Variants in POPDC1 observed in about 807,000 individuals in gnomAD.
POPDC1 encodes popeye domain-containing protein 1.
chr6:105,108,827 C>T, the POPDC1 span, among the ~76,000 whole-genome samples: 1 of 152,126 alleles, frequency 6.6e-6, no homozygotes, highest in East Asian at 1.9e-4. Flanking sequence ...CTTTGTGAAA[C>T]AATTCATAGA....
the POPDC1 span, among the ~76,000 whole-genome samples, chr6:105,104,373 C>T: frequency 2.0e-5 from 3 of 152,152 alleles, no homozygotes; most frequent in African/African-American, 7.2e-5. Context: ...ATCTTGAGTG[C>T]TGTAACCAAG....
At chr6:105,112,275 G>A in the POPDC1 span, among the ~76,000 whole-genome samples, 1 of 152,202 alleles carries the variant, frequency 6.6e-6, no homozygotes, top group Non-Finnish European at 1.5e-5. Flanking sequence ...GAGAGAGATG[G>A]AAAGGGAGCC....
the POPDC1 span, among the ~76,000 whole-genome samples, chr6:105,122,414 C>T: frequency 6.6e-6 from 1 of 152,104 alleles, no homozygotes; most frequent in Admixed American, 6.5e-5. Flanking sequence ...TCCCTAGTCC[C>T]CAAGAAGAAA....
chr6:105,132,964 T>C, the POPDC1 span, among the ~76,000 whole-genome samples: 1 of 152,206 alleles, frequency 6.6e-6, no homozygotes, highest in Non-Finnish European at 1.5e-5. Flanking sequence ...GGTGGTATTA[T>C]TTTTACCCTT....
At chr6:105,103,853 A>C in the POPDC1 span, among the ~76,000 whole-genome samples, 1 of 152,104 alleles carries the variant, frequency 6.6e-6, no homozygotes, top group East Asian at 1.9e-4. Flanking sequence ...TTTCACTGAG[A>C]GAAAATGAAG....
chr6:105,115,419 G>C, the POPDC1 span, among the ~76,000 whole-genome samples: 1 of 152,178 alleles, frequency 6.6e-6, no homozygotes. Flanking sequence ...TGCCCAGCCA[G>C]TGAGCCACTA....
chr6:105,118,927 C>G, the POPDC1 span, among the ~76,000 whole-genome samples: 1 of 151,984 alleles, frequency 6.6e-6, no homozygotes, highest in Non-Finnish European at 1.5e-5. Context: ...CATGTGCCTA[C>G]AGTCCCAGCT....
the POPDC1 span, chr6:105,116,737 C>T: frequency 4.4e-6 from 7 of 1,609,036 alleles, no homozygotes; most frequent in Admixed American, 1.0e-4. Context: ...ATGAGTAGAG[C>T]TTATTTGTGA....
the POPDC1 span, among the ~76,000 whole-genome samples, chr6:105,134,162 T>C: frequency 0.11 from 16,046 of 152,110 alleles, 1,092 homozygotes; most frequent in Middle Eastern, 0.2. Context: ...CATTATCATA[T>C]ATGCAAATAA....
At chr6:105,100,908 C>T in the POPDC1 span, 15 of 524,004 alleles carry the variant, frequency 2.9e-5, no homozygotes, top group Non-Finnish European at 4.6e-5. Flanking sequence ...TAAAAGCTGA[C>T]TAATAAAAAG....
chr6:105,128,051 C>T, the POPDC1 span, among the ~76,000 whole-genome samples: 13 of 152,348 alleles, frequency 8.5e-5, no homozygotes, highest in South Asian at 2.7e-3. Context: ...TGAGCCACTG[C>T]ACCTTGCCTA....
At chr6:105,131,486 G>C in the POPDC1 span, among the ~76,000 whole-genome samples, 2 of 152,048 alleles carry the variant, frequency 1.3e-5, no homozygotes, top group Non-Finnish European at 2.9e-5. Flanking sequence ...GCCCAGGCTG[G>C]AGTGCAACAG....
chr6:105,105,006 A>C, the POPDC1 span, among the ~76,000 whole-genome samples: 8 of 152,340 alleles, frequency 5.3e-5, no homozygotes, highest in Non-Finnish European at 7.3e-5. Flanking sequence ...CGTGAAAGAA[A>C]ACAGAGAGGG....
At chr6:105,104,422 CATAGTCAGGACCTTG>C in the POPDC1 span, among the ~76,000 whole-genome samples, 2 of 152,152 alleles carry the variant, frequency 1.3e-5, no homozygotes, top group Non-Finnish European at 2.9e-5. Flanking sequence ...TTACTCCACA[CATAGTCAGGACCTTG>C]ATAATGTCCT....
the POPDC1 span, chr6:105,098,851 C>G: frequency 6.6e-6 from 1 of 152,248 alleles, no homozygotes; most frequent in Admixed American, 6.5e-5. Flanking sequence ...GAAGAGACTG[C>G]TGCAGCAGTA....
the POPDC1 span, among the ~76,000 whole-genome samples, chr6:105,109,755 C>G: frequency 1.8e-4 from 1 of 5,440 alleles, no homozygotes; most frequent in Non-Finnish European, 1.4e-3. Context: ...CAGAGTGAGA[C>G]CCTTTCTCAA....
chr6:105,116,632 A>G, the POPDC1 span: 13 of 1,322,438 alleles, frequency 9.8e-6, no homozygotes, highest in South Asian at 1.6e-4. Context: ...TCAGGAAAAC[A>G]TATTTCATAA....
At chr6:105,099,158 C>T in the POPDC1 span, 2 of 152,184 alleles carry the variant, frequency 1.3e-5, no homozygotes, top group Admixed American at 6.5e-5. Flanking sequence ...TGTGTCCAGT[C>T]GACAGTAGCC....
the POPDC1 span, among the ~76,000 whole-genome samples, chr6:105,124,385 CAAAA>C: frequency 4.1e-3 from 339 of 81,748 alleles, no homozygotes; most frequent in African/African-American, 0.014. Context: ...CCGTCTCAAA[CAAAA>C]AAAAAAAAAA....
Sources: gnomAD v4.1 joint callset for allele counts (sites outside exome capture counted in the v4.1 genomes callset) on GRCh38, gnomAD v4.1.1 for gene constraint, MANE v1.5 for transcripts, NCBI Gene and HGNC (gene_info 2026-07-23, HGNC 2026-07-21) for gene names.